ULK4: variants seen among roughly 807,000 people sequenced by gnomAD.
ULK4 encodes inactive serine/threonine-protein kinase ULK4.
ULK4 carries 133 observed loss-of-function variants against 160.6 expected under a neutral mutation model. The observed-to-expected ratio is 0.83, with a 90% CI of 0.72 to 0.96. The LOEUF (loss-of-function observed/expected upper bound fraction) is 0.96. Ranked by LOEUF, ULK4 falls within the 40% of genes least tolerant of loss-of-function variation. The pLI is 0.00. For synonymous variants in ULK4, 534 were observed against 539.8 expected (o/e 0.99, Z 0.15); for missense variants, 1,580 against 1,499.5 (o/e 1.05, Z -0.89).
chr3:41,338,186 G>A (rs2080606735), intron 35 of ULK4, among the ~76,000 whole-genome samples: 2 of 152,218 alleles, frequency 1.3e-5, no homozygotes, highest in South Asian at 4.1e-4. Context: ...CAATAGGATT[G>A]TAGTGCTTTG....
Position 41,519,187 on chromosome 3 carries a change from T to C in ULK4, c.3226+46838A>G, listed in dbSNP as rs951454721. On this transcript the variant is annotated intron_variant, in intron 32 of 36. Transcript: ENST00000301831. Reference sequence around the variant, plus strand: ...ACCTGTTGGAATGGTCTTTCTTACGTTGAACACAAAGTGGCTGCCCTAGAA... The same window carrying C: ...ACCTGTTGGAATGGTCTTTCTTACGCTGAACACAAAGTGGCTGCCCTAGAA... Among the ~76,000 whole-genome samples the C allele has an allele frequency of 5.9e-5, 9 of 152,196 alleles. No individual in the cohort carries two copies. The East Asian group carries it at 9.6e-4, about 16-fold the overall frequency.
intron 31 of ULK4, among the ~76,000 whole-genome samples, chr3:41,592,828 C>T (rs4973974): frequency 0.58 from 88,689 of 151,918 alleles, 27,233 homozygotes; most frequent in African/African-American, 0.8. Flanking sequence ...TGGGGAACTG[C>T]CATACTCCTA....
At chr3:41,640,832 TA>T (rs1313814965) in intron 30 of ULK4, among the ~76,000 whole-genome samples, 1 of 152,170 alleles carries the variant, frequency 6.6e-6, no homozygotes, top group Non-Finnish European at 1.5e-5. Context: ...TTTTCAATGG[TA>T]AAAATAAAAA....
At chr3:41,817,330 T>C (rs984087778) in intron 19 of ULK4, among the ~76,000 whole-genome samples, 2 of 152,184 alleles carry the variant, frequency 1.3e-5, no homozygotes, top group African/African-American at 4.8e-5. Context: ...TATTCATTCA[T>C]CCACTGATGG....
chr3:41,595,560 C>T (rs929885192), intron 31 of ULK4, among the ~76,000 whole-genome samples: 18 of 152,172 alleles, frequency 1.2e-4, no homozygotes, highest in African/African-American at 3.1e-4. Flanking sequence ...TCTGAACCTT[C>T]GTGGTCAGAT....
At chr3:41,679,413 G>C (rs184204960) in intron 29 of ULK4, among the ~76,000 whole-genome samples, 127 of 152,236 alleles carry the variant, frequency 8.3e-4, no homozygotes, top group African/African-American at 2.8e-3. Context: ...CGCTACAACA[G>C]AATCAGTCTG....
chr3:41,518,976 G>A (rs888888392), intron 32 of ULK4, among the ~76,000 whole-genome samples: 3 of 152,158 alleles, frequency 2.0e-5, no homozygotes, highest in African/African-American at 7.2e-5. Context: ...CACAAACATT[G>A]GCAAATGTAA....
intron 32 of ULK4, among the ~76,000 whole-genome samples, chr3:41,465,207 AT>A (rs1211084697): frequency 6.6e-6 from 1 of 152,328 alleles, no homozygotes; most frequent in East Asian, 1.9e-4. Context: ...GTCAAAATGC[AT>A]GTTTTTCATG....
intron 32 of ULK4, among the ~76,000 whole-genome samples, chr3:41,523,918 T>A (rs532856700): frequency 2.0e-5 from 3 of 152,170 alleles, no homozygotes; most frequent in African/African-American, 7.2e-5. Context: ...ATGTAGTATA[T>A]CCATATAATA....
intron 27 of ULK4, among the ~76,000 whole-genome samples, chr3:41,691,622 T>G (rs1035589291): frequency 1.3e-5 from 2 of 151,918 alleles, no homozygotes; most frequent in African/African-American, 4.8e-5. Context: ...CAGTATTATC[T>G]ATTTATTTAT....
chr3:41,677,443 T>A (rs2035760696), intron 29 of ULK4, among the ~76,000 whole-genome samples: 1 of 151,696 alleles, frequency 6.6e-6, no homozygotes, highest in Non-Finnish European at 1.5e-5. Flanking sequence ...GCCATTCTCC[T>A]GCCTCAGCCT....
intron 4 of ULK4, 55 bp downstream of exon 4, chr3:41,935,746 A>G (rs1699756667): frequency 6.5e-7 from 1 of 1,532,468 alleles, no homozygotes; most frequent in Non-Finnish European, 8.8e-7. Context: ...TCTTTGAGAA[A>G]GCACTCTAAT....
chr3:41,388,793 T>C (rs1248539367), intron 35 of ULK4, among the ~76,000 whole-genome samples: 2 of 152,216 alleles, frequency 1.3e-5, no homozygotes, highest in East Asian at 3.8e-4. Context: ...TAGTATAGTT[T>C]GAAGTCAGGT....
chr3:41,479,993 G>T (rs757307298), intron 32 of ULK4, among the ~76,000 whole-genome samples: 1 of 152,056 alleles, frequency 6.6e-6, no homozygotes, highest in Non-Finnish European at 1.5e-5. Context: ...GGATCGAGAG[G>T]TCAGGAGATC....
At chr3:41,898,189 T>C (rs1471950895) in intron 14 of ULK4, among the ~76,000 whole-genome samples, 1 of 152,154 alleles carries the variant, frequency 6.6e-6, no homozygotes, top group East Asian at 1.9e-4. Context: ...CTTGCCCAGA[T>C]CTACAGGAAC....
intron 17 of ULK4, among the ~76,000 whole-genome samples, chr3:41,872,943 A>C (rs1283439902): frequency 6.6e-6 from 1 of 152,198 alleles, no homozygotes; most frequent in East Asian, 1.9e-4. Context: ...TCACGAGGTC[A>C]GGAGTTCAAG....
intron 27 of ULK4, among the ~76,000 whole-genome samples, chr3:41,690,907 G>A (rs1231964104): frequency 6.6e-6 from 1 of 151,782 alleles, no homozygotes; most frequent in Non-Finnish European, 1.5e-5. Flanking sequence ...GCAGACATGA[G>A]CAGGGCAGGA....
At chr3:41,353,013 C>T (rs369004700) in intron 35 of ULK4, among the ~76,000 whole-genome samples, 1 of 152,230 alleles carries the variant, frequency 6.6e-6, no homozygotes, top group East Asian at 1.9e-4. Context: ...CCTCCCCAGC[C>T]TTTACTCTAC....
chr3:41,383,214 T>C (rs1408314699), intron 35 of ULK4, among the ~76,000 whole-genome samples: 2 of 151,956 alleles, frequency 1.3e-5, no homozygotes, highest in Non-Finnish European at 1.5e-5. Context: ...TTCTCCTGCC[T>C]CAGCCTCCCG....
Sources: gnomAD v4.1 joint callset for allele counts (sites outside exome capture counted in the v4.1 genomes callset) on GRCh38, gnomAD v4.1.1 for gene constraint, MANE v1.5 for transcripts, NCBI Gene and HGNC (gene_info 2026-07-23, HGNC 2026-07-21) for gene names.